TTC3: variants seen among roughly 807,000 people sequenced by gnomAD.
The protein encoded by TTC3 is E3 ubiquitin-protein ligase TTC3.
In TTC3, 180 loss-of-function variants were observed where a neutral mutation model predicts 249.6. That is an observed-to-expected ratio of 0.72 (90% CI 0.64 to 0.82). TTC3 has a LOEUF of 0.82. Ranked by LOEUF, TTC3 falls within the 40% of genes least tolerant of loss-of-function variation. The pLI, the probability that TTC3 is intolerant of heterozygous loss-of-function variation, is 0.00. For missense variants in TTC3, 2,061 were observed against 2,398.4 expected, an observed-to-expected ratio of 0.86 and a Z score of 2.94; for synonymous variants, 717 against 805.0, an observed-to-expected ratio of 0.89 and a Z score of 1.85.
chr21:37,111,912 A>G (rs2075700634), intron 11 of TTC3, among the ~76,000 whole-genome samples: 1 of 151,548 alleles, frequency 6.6e-6, no homozygotes, highest in Admixed American at 6.6e-5. Context: ...AAACCGCTCA[A>G]CTACATGGAA....
intron 9 of TTC3, among the ~76,000 whole-genome samples, 198 bp from the exon 10 acceptor site, chr21:37,096,383 G>A (rs1186381052): frequency 6.6e-6 from 1 of 152,166 alleles, no homozygotes; most frequent in Non-Finnish European, 1.5e-5. Context: ...GTTTAGGTTG[G>A]TTCAAACAAA....
intron 7 of TTC3, 59 bp downstream of exon 7, chr21:37,091,472 T>A: frequency 6.7e-7 from 1 of 1,493,044 alleles, no homozygotes; most frequent in Non-Finnish European, 9.0e-7. Flanking sequence ...TTTGGGAAAA[T>A]GAGATATGTA....
chr21:37,152,969 A>G, exon 27 of TTC3: 1 of 1,600,848 alleles, frequency 6.2e-7, no homozygotes, highest in South Asian at 1.1e-5. Context: ...GACAATGTTC[A>G]GCGTTGTCAG....
At chr21:37,090,467 CT>C (rs138757481) in intron 6 of TTC3, 181 bp downstream of exon 6, 116,058 of 519,428 alleles carry the variant, frequency 0.22, 4,992 homozygotes, top group African/African-American at 0.43. Flanking sequence ...CATTTTCTCT[CT>C]TTTTTTTTTT....
chr21:37,147,308 C>T (rs571788029), intron 21 of TTC3, among the ~76,000 whole-genome samples, 173 bp from the exon 22 acceptor site: 2 of 152,246 alleles, frequency 1.3e-5, no homozygotes, highest in African/African-American at 4.8e-5. Context: ...CTCTTATCAG[C>T]CTTCCTTTTA....
intron 7 of TTC3, among the ~76,000 whole-genome samples, chr21:37,093,573 G>C (rs2835593): frequency 0.46 from 69,095 of 151,718 alleles, 16,261 homozygotes; most frequent in Non-Finnish European, 0.52. Context: ...AAGTAGTTTT[G>C]CAGGTTTTTG....
At chr21:37,103,664 G>A (rs148142540) in intron 10 of TTC3, among the ~76,000 whole-genome samples, 1 of 152,278 alleles carries the variant, frequency 6.6e-6, no homozygotes, top group East Asian at 1.9e-4. Flanking sequence ...GTTCAGCATT[G>A]ATTCAACAAA....
chr21:37,090,621 G>A, intron 6 of TTC3: 2 of 784,384 alleles, frequency 2.5e-6, no homozygotes, highest in Middle Eastern at 6.5e-4. Flanking sequence ...TAATTACTAG[G>A]TAATCTCCAG....
chr21:37,126,041 GTTTTTT>G (rs201506911), intron 14 of TTC3, 33 bp from the exon 15 acceptor site: 39 of 1,262,510 alleles, frequency 3.1e-5, no homozygotes, highest in Non-Finnish European at 3.9e-5. Flanking sequence ...TGGCTGGGTT[GTTTTTT>G]TTTTTTTTAA....
exon 18 of TTC3, chr21:37,135,428 T>C: frequency 1.2e-6 from 2 of 1,614,090 alleles, no homozygotes; most frequent in Non-Finnish European, 1.7e-6. Context: ...TCAAGATGGC[T>C]ATATGGCCTT....
At chr21:37,086,306 C>T (rs1025708519) in intron 1 of TTC3, 3 of 151,936 alleles carry the variant, frequency 2.0e-5, no homozygotes, top group East Asian at 1.9e-4. Flanking sequence ...GTTTATGATG[C>T]GCTGGTGATG....
intron 44 of TTC3, among the ~76,000 whole-genome samples, chr21:37,198,965 C>A (rs1299100365): frequency 1.3e-5 from 2 of 151,952 alleles, no homozygotes; most frequent in Non-Finnish European, 1.5e-5. Flanking sequence ...TCAAACTAAA[C>A]CTGGCTCCGA....
intron 33 of TTC3, among the ~76,000 whole-genome samples, chr21:37,167,248 A>T (rs1487682455): frequency 6.6e-6 from 1 of 152,190 alleles, no homozygotes. Flanking sequence ...TGAAATCAAG[A>T]TTCTCCTATG....
At chr21:37,104,148 T>C (rs1019801313) in intron 10 of TTC3, among the ~76,000 whole-genome samples, 1 of 152,166 alleles carries the variant, frequency 6.6e-6, no homozygotes, top group Non-Finnish European at 1.5e-5. Context: ...TGTTGGAACT[T>C]GAGAGTGAAG....
chr21:37,151,471 G>T (rs2079462030), intron 25 of TTC3, among the ~76,000 whole-genome samples: 1 of 152,080 alleles, frequency 6.6e-6, no homozygotes, highest in South Asian at 2.1e-4. Context: ...AGAATTATTT[G>T]TTGGAGAGAA....
chr21:37,144,432 C>T lies in TTC3; in HGVS notation c.1773-93C>T, dbSNP rs1279061739. ...TGTTCAGTGATTCATCAAATGTATT[C>T]GTCCCAGTAAGCTTGAGATCTTTGG... On this transcript the variant is annotated intron_variant, in intron 20 of 45. Transcript: ENST00000355666. 20 of 1,397,444 alleles carry T rather than the reference C, an allele frequency of 1.4e-5. No homozygotes were observed. In the South Asian group the frequency reaches 2.0e-4, roughly 14 times the overall value. The allele number at this position is 1,397,444 out of a possible 1,614,324, so 86.6% of individuals were successfully genotyped here.
At chr21:37,091,597 T>TTA (rs755060099) in intron 7 of TTC3, 184 bp downstream of exon 7, 1 of 212,546 alleles carries the variant, frequency 4.7e-6, no homozygotes, top group East Asian at 1.6e-4. Context: ...ATTTATTTAT[T>TTA]TTGAGGCAGA....
At chr21:37,085,571 C>T (rs2072346384) in intron 1 of TTC3, among the ~76,000 whole-genome samples, 1 of 152,198 alleles carries the variant, frequency 6.6e-6, no homozygotes, top group African/African-American at 2.4e-5. Flanking sequence ...GCCGTAATGA[C>T]TCTTGGCTAT....
At chr21:37,195,654 G>A (rs2084812873) in intron 41 of TTC3, 21 bp from the exon 42 acceptor site, 2 of 1,578,482 alleles carry the variant, frequency 1.3e-6, no homozygotes, top group East Asian at 2.2e-5. Context: ...AGTGATCCAT[G>A]GTGTGGTGTG....
Sources: gnomAD v4.1 joint callset for allele counts (sites outside exome capture counted in the v4.1 genomes callset) on GRCh38, gnomAD v4.1.1 for gene constraint, MANE v1.5 for transcripts, NCBI Gene and HGNC (gene_info 2026-07-23, HGNC 2026-07-21) for gene names.